Variants in CTSD observed in about 807,000 individuals in gnomAD.
The protein encoded by CTSD is cathepsin D, also known as ceroid-lipofuscinosis, neuronal 10.
Under a neutral mutation model 43.6 loss-of-function variants are expected in CTSD, and 28 were observed. The ratio of observed to expected loss-of-function variants is 0.64; its 90% CI spans 0.48 to 0.88. The LOEUF is 0.88. Ranked by LOEUF, CTSD falls within the 40% of genes least tolerant of loss-of-function variation. The pLI, the probability that CTSD is intolerant of heterozygous loss-of-function variation, is 0.00. For missense variants in CTSD, 485 were observed against 555.2 expected (o/e 0.87, Z 1.27); for synonymous variants, 270 against 249.8 (o/e 1.08, Z -0.76).
rs1565023298 is a variant in CTSD at position 1,761,376 on chromosome 11, T to C, written c.161A>G (p.Lys54Arg). ...CACGGCTGGCACCGCCTGGGAGTAC[T>C]TTGAGACGGGGCCTTTGGCAATCAG... ...EDLIAKGPVS[K>R]YSQAVPAVTE... The change falls in exon 2 of 9, where the codon AAG becomes AGG. Residue 54 changes from lysine (K) to arginine (R), a missense_variant. By Grantham distance (26) the Lys-to-Arg change is conservative (BLOSUM62 2). Transcript: ENST00000236671. 1.2e-6 allele frequency: 2 copies of C among 1,613,814 alleles called. No individual in the cohort carries two copies. The highest frequency in any genetic ancestry group is 4.5e-5 in the East Asian group (2 of 44,868).
In CTSD at chr11:1,754,855, C is replaced by T. The variant is rs542472073; in HGVS notation, c.827+51G>A. ...ACCGGGGTCCTCCAGGGTCTCCGCA[C>T]ACCGCCCCCGCCCACAGAACCCAGG... is the stretch of plus-strand genomic sequence containing the variant. On this transcript the variant is annotated intron_variant, in intron 6 of 8. Transcript: ENST00000236671. 3.2e-5 allele frequency: 52 copies of T among 1,612,182 alleles called. No individual in the cohort carries two copies. In the Admixed American group the frequency reaches 3.5e-4, roughly 11 times the overall value.
Position 1,754,911 on chromosome 11 carries a change from C to G in CTSD, c.822G>C (p.Leu274=), listed in dbSNP as rs750296382. Reference sequence around the variant, plus strand: ...CGACTGCAGCCACTACTCACTGGTCCAGGTGGACCTGCCAGTAGGCCTTGC... The same window carrying G: ...CGACTGCAGCCACTACTCACTGGTCGAGGTGGACCTGCCAGTAGGCCTTGC... ...VTRKAYWQVH[L]DQVEVASGLT... Residue 274 remains leucine, a synonymous_variant, in exon 6 of 9, where the codon CTG becomes CTC. Transcript: ENST00000236671. 2 of 1,613,864 alleles carry G rather than the reference C, an allele frequency of 1.2e-6. No individual in the cohort carries two copies. The highest frequency in any genetic ancestry group is 1.7e-6 in the Non-Finnish European group (2 of 1,179,890).
intron 5 of CTSD, 123 bp downstream of exon 5, chr11:1,757,201 G>A (rs918688061): frequency 1.2e-6 from 1 of 858,936 alleles, no homozygotes; most frequent in Non-Finnish European, 1.9e-6. Flanking sequence ...GAGGTCAGAG[G>A]TCAGGAGCTC....
intron 2 of CTSD, 154 bp downstream of exon 2, chr11:1,761,155 A>C: frequency 1.3e-6 from 1 of 762,584 alleles, no homozygotes; most frequent in Non-Finnish European, 2.3e-6. Context: ...AGAATGGGGA[A>C]GAAAGGAGTG....
chr11:1,754,038 C>A lies in CTSD; in HGVS notation c.928G>T (p.Glu310Ter), dbSNP rs373699222. ...ACGGCCCCGATGGCCTTCTGCAGCT[C>A]GCGCACCTCATCCACCGGGCCCACC... ...LMVGPVDEVR[E>*]LQKAIGAVPL... The change falls in exon 7 of 9, where the codon GAG becomes TAG. Residue 310 changes from glutamate (E) to a stop codon, truncating the protein, a stop_gained. Transcript: ENST00000236671. LOFTEE classifies it high-confidence loss of function. 6.2e-7 allele frequency: 1 copy of A among 1,610,340 alleles called. No homozygotes were observed. Among genetic ancestry groups the A allele is most frequent in the South Asian group, 1.1e-5 (1 of 90,888 alleles).
intron 2 of CTSD, chr11:1,760,240 C>T (rs1328969193): frequency 2.6e-5 from 4 of 152,964 alleles, no homozygotes; most frequent in African/African-American, 7.2e-5. Flanking sequence ...TGGCCCAGGG[C>T]CTCAGTTTCC....
rs1206012775 is a variant in CTSD, at chr11:1,763,893, G to A, written c.-34C>T. On this transcript the variant is annotated 5_prime_UTR_variant, in exon 1 of 9. Transcript: ENST00000236671. ...CGGCCGGGTCGGAGAGGGTCGCCGAGGCCGTGCGCTTATAGCCGGGATGAC... is the reference window on the plus strand; with the variant it reads ...CGGCCGGGTCGGAGAGGGTCGCCGAAGCCGTGCGCTTATAGCCGGGATGAC... 2 of 1,511,104 alleles carry A rather than the reference G, an allele frequency of 1.3e-6. No individual in the cohort carries two copies. Among genetic ancestry groups the A allele is most frequent in the Admixed American group, 2.0e-5 (1 of 49,350 alleles). 93.6% of individuals were successfully genotyped at this position (1,511,104 alleles called of 1,614,324 possible). A position where few individuals can be genotyped will look rare whatever the true frequency, so the allele number is the denominator to read the frequency against.
At chr11:1,760,254 T>C (rs2133665023) in intron 2 of CTSD, 1 of 152,960 alleles carries the variant, frequency 6.5e-6, no homozygotes, top group Non-Finnish European at 1.5e-5. Flanking sequence ...AGTTTCCCCG[T>C]GTGTACACAG....
intron 1 of CTSD, chr11:1,763,415 C>G (rs1168332644): frequency 4.8e-6 from 1 of 210,090 alleles, no homozygotes; most frequent in Non-Finnish European, 9.5e-6. Flanking sequence ...TGAGGCCTGA[C>G]CTAGGTCTCC....
intron 1 of CTSD, among the ~76,000 whole-genome samples, chr11:1,762,642 C>A (rs768721830): frequency 6.6e-6 from 1 of 152,156 alleles, no homozygotes; most frequent in Non-Finnish European, 1.5e-5. Context: ...TAGTATCAGT[C>A]GCACAAGAGC....
At chr11:1,756,361 C>T (rs1239575043) in intron 5 of CTSD, among the ~76,000 whole-genome samples, 1 of 152,226 alleles carries the variant, frequency 6.6e-6, no homozygotes, top group Non-Finnish European at 1.5e-5. Context: ...GCAGCTTAGC[C>T]CTGGGTGTTG....
At position 1,763,207 on chromosome 11, in the gene CTSD, C is replaced by G. The variant is rs150530433; in HGVS notation, c.68+585G>C. On this transcript the variant is annotated intron_variant, in intron 1 of 8. Coordinates refer to ENST00000236671, the MANE Select transcript of CTSD (RefSeq NM_001909.5). ...GCGTGTGGGCCTCACTACAGCACAA[C>G]CCCAGGCCCGGGGTGGGTGAGCCGA... 4.7e-3 allele frequency among the ~76,000 whole-genome samples: 710 copies of G among 152,300 alleles called. 3 individuals are homozygous for G. The highest frequency in any genetic ancestry group is 0.016 in the African/African-American group (682 of 41,562).
At chr11:1,756,814 G>A (rs769279650) in intron 5 of CTSD, among the ~76,000 whole-genome samples, 21 of 152,330 alleles carry the variant, frequency 1.4e-4, no homozygotes, top group South Asian at 6.2e-4. Flanking sequence ...CTCGAGGGCA[G>A]CCGGCACCTG....
chr11:1,761,258 G>A, intron 2 of CTSD, 51 bp downstream of exon 2: 5 of 1,601,490 alleles, frequency 3.1e-6, no homozygotes, highest in Non-Finnish European at 4.3e-6. Context: ...CTGCCACGGA[G>A]CTCTCCTGAC....
At chr11:1,759,712 C>G (rs1845852236) in intron 2 of CTSD, 73 bp from the exon 3 acceptor site, 2 of 1,506,906 alleles carry the variant, frequency 1.3e-6, no homozygotes, top group African/African-American at 2.8e-5. Context: ...GAAGGCCCGG[C>G]TGTCCCCAGA....
At chr11:1,754,184 C>A (rs1316313599) in intron 6 of CTSD, 46 bp from the exon 7 acceptor site, 1 of 1,587,080 alleles carries the variant, frequency 6.3e-7, no homozygotes, top group Non-Finnish European at 8.5e-7. Flanking sequence ...CTGGAGTGTG[C>A]CCTGGGGGCC....
rs1270426950 is a variant in CTSD at position 1,763,359 on chromosome 11, G to C, written c.68+433C>G. Reference sequence around the variant, plus strand: ...TTTTAAAGCCCCCAGTTCACAGGTGGTAAAGGGGTCCCTAAGGAAATGGAC... The same window carrying C: ...TTTTAAAGCCCCCAGTTCACAGGTGCTAAAGGGGTCCCTAAGGAAATGGAC... On this transcript the variant is annotated intron_variant, in intron 1 of 8. Coordinates refer to ENST00000236671, the MANE Select transcript of CTSD (RefSeq NM_001909.5). Among the ~76,000 whole-genome samples, 3 of 152,240 alleles carry C rather than the reference G, an allele frequency of 2.0e-5. No individual in the cohort carries two copies. In the East Asian group the frequency reaches 5.8e-4, roughly 29 times the overall value.
At chr11:1,754,628 G>C (rs1000481866) in intron 6 of CTSD, among the ~76,000 whole-genome samples, 1 of 147,866 alleles carries the variant, frequency 6.8e-6, no homozygotes, top group East Asian at 2.1e-4. Context: ...GGAGGGCATG[G>C]AGGGATGGAC....
At position 1,759,055 on chromosome 11, in the gene CTSD, T is replaced by C; in HGVS notation, c.385A>G (p.Ser129Gly). ...IHHKYNSDKS[S>G]TYVKNGTSFD... ...GAGGTACCATTCTTCACGTAGGTGCTGGACTTGTCGCTGTTGTACTTGTGG... is the reference window on the plus strand; with the variant it reads ...GAGGTACCATTCTTCACGTAGGTGCCGGACTTGTCGCTGTTGTACTTGTGG... The change falls in exon 4 of 9, where the codon AGC becomes GGC. Residue 129 changes from serine to glycine, a missense_variant. Coordinates refer to ENST00000236671, the MANE Select transcript of CTSD (RefSeq NM_001909.5). 12 of 1,614,126 alleles carry C rather than the reference T, an allele frequency of 7.4e-6. No homozygotes were observed. Among genetic ancestry groups the C allele is most frequent in the Non-Finnish European group, 1.0e-5 (12 of 1,179,952 alleles).
Sources: allele counts gnomAD v4.1 joint callset (sites outside exome capture counted in the v4.1 genomes callset), GRCh38; gene constraint gnomAD v4.1.1; transcripts MANE v1.5; gene names NCBI Gene and HGNC (gene_info 2026-07-23, HGNC 2026-07-21).